Variants in SAE1 observed in about 807,000 individuals in gnomAD.
The protein encoded by SAE1 is SUMO1 activating enzyme subunit 1.
Under a neutral mutation model 40.6 loss-of-function variants are expected in SAE1, and 11 were observed. The observed-to-expected ratio is 0.27, with a 90% CI of 0.17 to 0.45. SAE1 has a LOEUF of 0.45. SAE1 is among the 20% of genes least tolerant of loss of function. SAE1 has a pLI of 1.00. For synonymous variants in SAE1, 155 were observed against 154.3 expected (o/e 1.00, Z -0.03); for missense variants, 373 against 427.3 (o/e 0.87, Z 1.12).
intron 1 of SAE1, among the ~76,000 whole-genome samples, chr19:47,137,213 C>T (rs1460126456): frequency 6.6e-6 from 1 of 151,648 alleles, no homozygotes; most frequent in African/African-American, 2.4e-5. Flanking sequence ...ACATGGTGAC[C>T]GTCTCTACTA....
Position 47,146,145 on chromosome 19 carries a change from G to T in SAE1, c.210+2540G>T, listed in dbSNP as rs549419269. The stretch of plus-strand genomic sequence containing the variant: ...AGAAATGGAAGCTAAAAGTAGTTTG[G>T]TGTTTTTAGAGTGTGAGACCCAAAG... On this transcript the variant is annotated intron_variant, in intron 2 of 8. Coordinates refer to ENST00000270225, the MANE Select transcript of SAE1 (RefSeq NM_005500.3). Among the ~76,000 whole-genome samples, 6 of 152,234 alleles carry T rather than the reference G, an allele frequency of 3.9e-5. No individual in the cohort carries two copies. The South Asian group carries it at 1.2e-3, about 32-fold the overall frequency.
rs57870733 is a variant in SAE1, at chr19:47,154,480, C to CTTTTTT, written c.528-609_528-604dup. 3.1e-4 allele frequency among the ~76,000 whole-genome samples: 16 copies of CTTTTTT among 51,606 alleles called. 2 individuals are homozygous for CTTTTTT. The highest frequency in any genetic ancestry group is 3.3e-4 in the African/African-American group (4 of 11,988). The allele number at this position is 51,606 out of a possible 152,430, so 33.9% of individuals were successfully genotyped here. A position where few individuals can be genotyped will look rare whatever the true frequency, so the allele number is the denominator to read the frequency against. ...AGCAGAGGGGCAGAATTAAGTTTGG[C>CTTTTTT]TTTTTTTTTTTTTTTTTTTTTTTTT... is the stretch of plus-strand genomic sequence containing the variant. On this transcript the variant is annotated intron_variant, in intron 4 of 8. Transcript: ENST00000270225.
intron 1 of SAE1, among the ~76,000 whole-genome samples, chr19:47,139,098 C>T (rs779810446): frequency 8.5e-5 from 13 of 152,116 alleles, no homozygotes; most frequent in African/African-American, 1.2e-4. Context: ...ACTACAGGCA[C>T]GTGCCACCAC....
rs868063534 is a variant in SAE1 at position 47,130,903 on chromosome 19, C to T, written c.-28C>T. 23 of 1,548,318 alleles carry T rather than the reference C, an allele frequency of 1.5e-5. No homozygotes were observed. In the Middle Eastern group the frequency reaches 6.5e-4, roughly 44 times the overall value. On this transcript the variant is annotated 5_prime_UTR_variant, in exon 1 of 9. Transcript: ENST00000270225. ...GGCGGGCGGTTGGCTTGAGCGGGAC[C>T]GGAGCTGAGGCAGGAAGAGCCGGCG... is the stretch of plus-strand genomic sequence containing the variant.
At position 47,197,388 on chromosome 19, in the gene SAE1, G is replaced by A. The variant is rs748357203; in HGVS notation, c.878+11G>A. 19 of 1,610,162 alleles carry A rather than the reference G, an allele frequency of 1.2e-5. No individual in the cohort carries two copies. The highest frequency in any genetic ancestry group is 1.6e-5 in the Non-Finnish European group (19 of 1,178,506). ...TGAGGACTTTGTCAGGTTGGTGTCAGTATTTATCACTGTTTAGTCTGGACA... is the reference window on the plus strand; with the variant it reads ...TGAGGACTTTGTCAGGTTGGTGTCAATATTTATCACTGTTTAGTCTGGACA... On this transcript the variant is annotated intron_variant, in intron 7 of 8. Transcript: ENST00000270225.
At chr19:47,164,358 C>T (rs974403045) in intron 5 of SAE1, among the ~76,000 whole-genome samples, 1 of 151,674 alleles carries the variant, frequency 6.6e-6, no homozygotes, top group African/African-American at 2.4e-5. Context: ...TTAGTAGAGA[C>T]GGGTTTCACC....
At chr19:47,168,884 G>C (rs1443989766) in intron 5 of SAE1, among the ~76,000 whole-genome samples, 1 of 152,182 alleles carries the variant, frequency 6.6e-6, no homozygotes, top group African/African-American at 2.4e-5. Context: ...GATCACAGGC[G>C]TGAGCCACTG....
rs752909042 is a variant in SAE1 at position 47,150,166 on chromosome 19, A to T, written c.211-36A>T. 4 of 1,421,478 alleles carry T rather than the reference A, an allele frequency of 2.8e-6. No homozygotes were observed. The Admixed American group carries it at 9.6e-5, about 34-fold the overall frequency. 88.1% of individuals were successfully genotyped at this position (1,421,478 alleles called of 1,614,324 possible). A position where few individuals can be genotyped will look rare whatever the true frequency, so the allele number is the denominator to read the frequency against. ...TTTTTAAGATTTATTTTCCCTAAAA[A>T]TACAAGACTTAAAAAAATATGTGTA... On this transcript the variant is annotated intron_variant, in intron 2 of 8. Transcript: ENST00000270225.
intron 6 of SAE1, among the ~76,000 whole-genome samples, chr19:47,176,564 C>T (rs568384041): frequency 1.3e-5 from 2 of 152,342 alleles, no homozygotes; most frequent in South Asian, 2.1e-4. Flanking sequence ...GGAGTCCCCA[C>T]AGGGTCCTTT....
chr19:47,187,682 C>T (rs868085784), intron 6 of SAE1, among the ~76,000 whole-genome samples: 7 of 152,034 alleles, frequency 4.6e-5, no homozygotes, highest in Non-Finnish European at 1.0e-4. Context: ...CCACAACACC[C>T]GGCTCATTTT....
At chr19:47,151,186 G>C (rs1361406622) in intron 3 of SAE1, among the ~76,000 whole-genome samples, 2 of 150,122 alleles carry the variant, frequency 1.3e-5, no homozygotes, top group Non-Finnish European at 3.0e-5. Flanking sequence ...TTTTGCTCTT[G>C]TCGCCCAGGC....
intron 3 of SAE1, among the ~76,000 whole-genome samples, chr19:47,151,934 C>T (rs531102386): frequency 3.3e-5 from 5 of 152,214 alleles, no homozygotes; most frequent in Non-Finnish European, 7.3e-5. Flanking sequence ...TTACTTTAGA[C>T]TCTGCAGGGT....
intron 6 of SAE1, among the ~76,000 whole-genome samples, chr19:47,194,772 T>TTG: frequency 6.9e-6 from 1 of 145,200 alleles, no homozygotes; most frequent in Admixed American, 7.0e-5. Flanking sequence ...TTTTTTGAGA[T>TTG]GGAGTTACGC....
intron 5 of SAE1, among the ~76,000 whole-genome samples, chr19:47,161,387 C>T (rs2058359169): frequency 6.6e-6 from 1 of 152,098 alleles, no homozygotes; most frequent in South Asian, 2.1e-4. Flanking sequence ...ACAAAACAAA[C>T]ACTATCCGCC....
At chr19:47,168,524 A>AC (rs2058410337) in intron 5 of SAE1, among the ~76,000 whole-genome samples, 1 of 152,048 alleles carries the variant, frequency 6.6e-6, no homozygotes, top group Non-Finnish European at 1.5e-5. Context: ...TGACTCCTGG[A>AC]CTCAGGTGAT....
chr19:47,161,787 A>G (rs2058361067), intron 5 of SAE1, among the ~76,000 whole-genome samples: 1 of 152,034 alleles, frequency 6.6e-6, no homozygotes, highest in South Asian at 2.1e-4. Flanking sequence ...TCTTCTTACT[A>G]CTTATGTATG....
intron 1 of SAE1, among the ~76,000 whole-genome samples, chr19:47,135,035 A>G (rs182545737): frequency 2.6e-5 from 4 of 152,088 alleles, no homozygotes; most frequent in African/African-American, 4.8e-5. Flanking sequence ...GAAATTAAAA[A>G]TTTTTTTGTG....
chr19:47,169,880 G>A lies in SAE1; in HGVS notation c.690G>A (p.Lys230=). ...LEVDWSSEKA[K]AALKRTTSDY... is the part of the protein sequence containing the mutation. ...TGGACTGGAGCAGTGAGAAAGCAAA[G>A]GCTGCTCTGAAGCGCACGACCTCCG... Residue 230 remains lysine, a synonymous_variant, in exon 6 of 9, where the codon AAG becomes AAA. Coordinates refer to ENST00000270225, the MANE Select transcript of SAE1 (RefSeq NM_005500.3). The A allele has an allele frequency of 6.2e-7, 1 of 1,614,180 alleles. No individual in the cohort carries two copies. The highest frequency in any genetic ancestry group is 1.7e-5 in the Admixed American group (1 of 60,024).
chr19:47,178,738 C>T (rs2058485878), intron 6 of SAE1, among the ~76,000 whole-genome samples: 1 of 152,194 alleles, frequency 6.6e-6, no homozygotes, highest in South Asian at 2.1e-4. Context: ...CTTCCAGGTG[C>T]TGAGTTTATA....
Sources: gnomAD v4.1 joint callset for allele counts (sites outside exome capture counted in the v4.1 genomes callset) on GRCh38, gnomAD v4.1.1 for gene constraint, MANE v1.5 for transcripts, NCBI Gene and HGNC (gene_info 2026-07-23, HGNC 2026-07-21) for gene names.